ZNF682: variants seen among roughly 807,000 people sequenced by gnomAD.
ZNF682 encodes zinc finger protein 682.
A neutral mutation model predicts 36.5 loss-of-function variants in ZNF682; 29 were observed. The ratio of observed to expected loss-of-function variants is 0.80; its 90% CI spans 0.59 to 1.08. The LOEUF (loss-of-function observed/expected upper bound fraction) is 1.08, where lower values mean the gene tolerates loss of function less well. ZNF682 is among the 50% of genes least tolerant of loss of function. ZNF682 has a pLI of 0.00. For missense variants in ZNF682, 561 were observed against 579.7 expected (o/e 0.97, Z 0.33); for synonymous variants, 180 against 197.0 (o/e 0.91, Z 0.72).
intron 1 of ZNF682, among the ~76,000 whole-genome samples, chr19:20,034,713 C>T (rs531388638): frequency 3.4e-5 from 5 of 148,392 alleles, no homozygotes; most frequent in South Asian, 4.3e-4. Context: ...GCAGAGGTTG[C>T]GGTGAGCCAA....
intron 1 of ZNF682, among the ~76,000 whole-genome samples, chr19:20,025,406 G>A (rs377333087): frequency 4.6e-5 from 7 of 152,164 alleles, no homozygotes; most frequent in African/African-American, 1.4e-4. Flanking sequence ...GGCCAGGCGC[G>A]GTGGCTCACG....
chr19:19,998,428 CAGA>C (rs1460343100), intron 3 of ZNF682, among the ~76,000 whole-genome samples: 1 of 152,162 alleles, frequency 6.6e-6, no homozygotes, highest in Non-Finnish European at 1.5e-5. Context: ...GACAGAGAAG[CAGA>C]AGGATGGAGA....
chr19:20,003,252 G>A (rs11665708), downstream of ZNF682, among the ~76,000 whole-genome samples: 3 of 126,360 alleles, frequency 2.4e-5, no homozygotes, highest in Admixed American at 2.3e-4. Flanking sequence ...GATTGGCTTA[G>A]AGTTCTCCAA....
intron 3 of ZNF682, 152 bp from the exon 4 acceptor site, chr19:20,007,427 G>A (rs2088237895): frequency 1.5e-6 from 1 of 658,132 alleles, no homozygotes; most frequent in Non-Finnish European, 2.5e-6. Context: ...AAAACAAAAT[G>A]TTGAGTAAAA....
At chr19:20,015,196 C>G (rs1243619210) in intron 3 of ZNF682, 2 of 985,088 alleles carry the variant, frequency 2.0e-6, no homozygotes, top group Non-Finnish European at 2.4e-6. Context: ...AAGTGTTTCT[C>G]TCACAAAAAG....
intron 1 of ZNF682, chr19:20,034,185 G>A (rs996739716): frequency 6.6e-6 from 1 of 152,254 alleles, no homozygotes; most frequent in African/African-American, 2.4e-5. Context: ...CTCTCAGCAT[G>A]AGAAACACAC....
chr19:20,039,048 G>C lies in ZNF682; in HGVS notation c.3+295C>G, dbSNP rs543764148. ...GGGGTCTGGACTCTGCCCTGAGGAC[G>C]CTTCCATTGTCCCCGCAGTCGGGGC... is the stretch of plus-strand genomic sequence containing the variant. On this transcript the variant is annotated intron_variant, in intron 1 of 3. Coordinates refer to ENST00000397165, the MANE Select transcript of ZNF682 (RefSeq NM_033196.3). 1.3e-4 allele frequency: 132 copies of C among 1,011,866 alleles called. 1 individual carries two copies. Among genetic ancestry groups the C allele is most frequent in the East Asian group, 1.2e-3 (43 of 34,698 alleles). 62.7% of individuals were successfully genotyped at this position (1,011,866 alleles called of 1,614,324 possible). A position where few individuals can be genotyped will look rare whatever the true frequency, so the allele number is the denominator to read the frequency against.
intron 3 of ZNF682, among the ~76,000 whole-genome samples, chr19:20,009,413 TGAGA>T (rs1224925639): frequency 1.3e-5 from 2 of 152,124 alleles, no homozygotes; most frequent in East Asian, 1.9e-4. Context: ...TTAGTATTCC[TGAGA>T]GAGAAGGAAA....
intron 1 of ZNF682, chr19:20,033,450 C>T (rs187264804): frequency 1.3e-5 from 2 of 152,322 alleles, no homozygotes; most frequent in African/African-American, 2.4e-5. Context: ...CACCATGCCA[C>T]AGAGCAGAGC....
At chr19:20,031,428 C>G (rs1443953795) in intron 1 of ZNF682, among the ~76,000 whole-genome samples, 1 of 152,204 alleles carries the variant, frequency 6.6e-6, no homozygotes, top group African/African-American at 2.4e-5. Flanking sequence ...GGGTGGGGCT[C>G]TAAAATGTCG....
intron 3 of ZNF682, among the ~76,000 whole-genome samples, chr19:20,022,285 C>T (rs921698258): frequency 1.3e-5 from 2 of 151,650 alleles, no homozygotes; most frequent in African/African-American, 2.4e-5. Flanking sequence ...AACCAAATAC[C>T]GTTATCACGA....
intron 3 of ZNF682, among the ~76,000 whole-genome samples, chr19:20,010,870 C>T (rs970280997): frequency 6.6e-6 from 1 of 151,844 alleles, no homozygotes; most frequent in African/African-American, 2.4e-5. Flanking sequence ...GAGGCTGAGG[C>T]AGGAGAATTG....
At chr19:20,028,868 T>G (rs1159936166) in intron 1 of ZNF682, among the ~76,000 whole-genome samples, 1 of 152,170 alleles carries the variant, frequency 6.6e-6, no homozygotes, top group Non-Finnish European at 1.5e-5. Flanking sequence ...GAAGATGACA[T>G]AATGTGAATT....
intron 3 of ZNF682, chr19:20,015,742 G>C: frequency 2.5e-6 from 1 of 397,172 alleles, no homozygotes; most frequent in Non-Finnish European, 4.4e-6. Context: ...AAAAAGCTTT[G>C]AGAAAATAAT....
chr19:20,000,704 T>G (rs1599598833), downstream of ZNF682, among the ~76,000 whole-genome samples: 1 of 152,212 alleles, frequency 6.6e-6, no homozygotes, highest in African/African-American at 2.4e-5. Flanking sequence ...GCTGAAGATC[T>G]ATGCAGATGT....
At chr19:20,033,186 T>A (rs951878510) in intron 1 of ZNF682, among the ~76,000 whole-genome samples, 2 of 151,946 alleles carry the variant, frequency 1.3e-5, no homozygotes, top group Admixed American at 6.6e-5. Context: ...GGCAGGAGAA[T>A]CACTTGAACC....
chr19:20,017,676 A>T (rs1479678928), intron 3 of ZNF682, among the ~76,000 whole-genome samples: 1 of 152,190 alleles, frequency 6.6e-6, no homozygotes, highest in Non-Finnish European at 1.5e-5. Flanking sequence ...ATAAGAAAAT[A>T]AAAAACTTAA....
intron 1 of ZNF682, 24 bp downstream of exon 1, chr19:20,039,319 G>C: frequency 6.2e-7 from 1 of 1,611,918 alleles, no homozygotes; most frequent in East Asian, 2.2e-5. Flanking sequence ...CCCCACCTCG[G>C]GATGCGCGGC....
At chr19:19,997,938 C>T (rs186653224) in intron 3 of ZNF682, among the ~76,000 whole-genome samples, 2 of 152,162 alleles carry the variant, frequency 1.3e-5, no homozygotes, top group Non-Finnish European at 2.9e-5. Context: ...GAAGTCACAC[C>T]GAGGTCATGC....
Sources: gnomAD v4.1 joint callset for allele counts (sites outside exome capture counted in the v4.1 genomes callset) on GRCh38, gnomAD v4.1.1 for gene constraint, MANE v1.5 for transcripts, NCBI Gene and HGNC (gene_info 2026-07-23, HGNC 2026-07-21) for gene names.